The following KANK4 variants were observed in gnomAD, a reference collection of about 807,000 sequenced individuals.
The protein encoded by KANK4 is KN motif and ankyrin repeat domain-containing protein 4.
A neutral mutation model predicts 80.8 loss-of-function variants in KANK4; 50 were observed. The observed-to-expected ratio is 0.62, with a 90% CI of 0.49 to 0.78. KANK4 has a LOEUF of 0.78. KANK4 is among the 30% of genes least tolerant of loss of function. The pLI is 0.00. For missense variants in KANK4, 1,196 were observed against 1,240.1 expected (o/e 0.96, Z 0.53); for synonymous variants, 465 against 506.9 (o/e 0.92, Z 1.11).
At chr1:62,258,829 C>G (rs189291067) in intron 7 of KANK4, among the ~76,000 whole-genome samples, 1 of 152,200 alleles carries the variant, frequency 6.6e-6, no homozygotes, top group African/African-American at 2.4e-5. Flanking sequence ...ACAGAGGCAC[C>G]AGGAAGACTT....
chr1:62,273,870 C>A lies in KANK4; in HGVS notation c.1234G>T (p.Val412Leu), dbSNP rs150098757. Residue 412 changes from valine (V) to leucine (L), a missense_variant, in exon 3 of 10, where the codon GTG (valine) becomes TTG (leucine). Val to Leu is a conservative substitution (Grantham distance 32). Transcript: ENST00000371153. ...NAKDTQGQTD[V>L]MVNTDPVHGL... ...TGGACAGGGTCAGTGTTCACCATCA[C>A]GTCCGTCTGGCCCTGAGTGTCTTTG... The A allele has an allele frequency of 4.3e-6, 7 of 1,614,078 alleles. No individual in the cohort carries two copies. Among genetic ancestry groups the A allele is most frequent in the African/African-American group, 2.7e-5 (2 of 74,932 alleles).
chr1:62,248,542 T>C (rs894806837), intron 8 of KANK4, among the ~76,000 whole-genome samples: 1 of 87,074 alleles, frequency 1.1e-5, no homozygotes, highest in Admixed American at 1.3e-4. Flanking sequence ...CTGGTTAGTT[T>C]TTTTGTTTTT....
rs1672261717 is a variant in KANK4 at position 62,274,594 on chromosome 1, C to T, written c.510G>A (p.Leu170=). 1 of 1,613,934 alleles carries T rather than the reference C, an allele frequency of 6.2e-7. No individual in the cohort carries two copies. The highest frequency in any genetic ancestry group is 8.5e-7 in the Non-Finnish European group (1 of 1,179,976). The change falls in exon 3 of 10, where the codon CTG becomes CTA. Residue 170 remains leucine (L), a synonymous_variant. Transcript: ENST00000371153. ...LRASSMPATL[L]HSRASEEPGL... is the part of the protein sequence containing the mutation. ...CTGGCTCCTCAGAAGCCCTGCTGTG[C>T]AGCAGCGTGGCAGGCATGCTGGATG...
chr1:62,316,050 CAGCA>C (rs1644537580), intron 1 of KANK4, among the ~76,000 whole-genome samples: 2 of 152,232 alleles, frequency 1.3e-5, no homozygotes, highest in African/African-American at 4.8e-5. Context: ...GCTCTGGTAG[CAGCA>C]AGCAAGAACC....
At chr1:62,310,835 G>C (rs1644492279) in intron 1 of KANK4, among the ~76,000 whole-genome samples, 1 of 150,248 alleles carries the variant, frequency 6.7e-6, no homozygotes, top group South Asian at 2.1e-4. Context: ...TGAAGCACTA[G>C]AGGGAGAATA....
At chr1:62,246,715 A>C (rs541858938) in intron 9 of KANK4, among the ~76,000 whole-genome samples, 5 of 151,682 alleles carry the variant, frequency 3.3e-5, no homozygotes, top group Admixed American at 2.6e-4. Context: ...CTCCTGCCTC[A>C]GCCTGCTGAG....
chr1:62,291,374 T>C (rs1295556095), intron 1 of KANK4, among the ~76,000 whole-genome samples: 1 of 152,262 alleles, frequency 6.6e-6, no homozygotes, highest in Non-Finnish European at 1.5e-5. Flanking sequence ...TTCTTCTTGA[T>C]ATATTTTGCA....
intron 7 of KANK4, among the ~76,000 whole-genome samples, chr1:62,257,032 C>T (rs944510764): frequency 6.6e-6 from 1 of 152,154 alleles, no homozygotes; most frequent in Non-Finnish European, 1.5e-5. Context: ...AGGTCTGACA[C>T]CTGCTCAGGG....
At chr1:62,297,256 A>G (rs1015990543) in intron 1 of KANK4, among the ~76,000 whole-genome samples, 4 of 151,402 alleles carry the variant, frequency 2.6e-5, no homozygotes, top group African/African-American at 9.8e-5. Context: ...GTAAATAAAA[A>G]ATACTAGTAA....
rs372846311 is a variant in KANK4, at chr1:62,266,817, T to C, written c.2234A>G (p.Tyr745Cys). ...EEVPHSKAER[Y>C]KPSEEFLNAC... ...ATTAAGAAATTCTTCTGAGGGTTTA[T>C]ATCTAAATAAAACAAACATATATAC... Residue 745 changes from tyrosine to cysteine, a missense_variant and splice_region_variant, in exon 6 of 10, where the codon TAT becomes TGT. Coordinates refer to ENST00000371153, the MANE Select transcript of KANK4 (RefSeq NM_181712.5). The C allele has an allele frequency of 1.2e-5, 19 of 1,597,178 alleles. No individual in the cohort carries two copies. The highest frequency in any genetic ancestry group is 1.5e-5 in the Non-Finnish European group (17 of 1,165,498).
At position 62,274,882 on chromosome 1, in the gene KANK4, G is replaced by T; in HGVS notation, c.222C>A (p.Ser74Arg). 1.9e-6 allele frequency: 3 copies of T among 1,614,166 alleles called. No homozygotes were observed. The South Asian group carries it at 3.3e-5, about 18-fold the overall frequency. Residue 74 changes from serine to arginine, a missense_variant, in exon 3 of 10, where the codon AGC becomes AGA. By Grantham distance (110) the Ser-to-Arg change is moderately radical. Coordinates refer to ENST00000371153, the MANE Select transcript of KANK4 (RefSeq NM_181712.5). ...GGGGGCGAGCCCCACTGTCAGGAAGGCTGAAGTTTCGGGGCAGAGTGCTAA... is the reference window on the plus strand; with the variant it reads ...GGGGGCGAGCCCCACTGTCAGGAAGTCTGAAGTTTCGGGGCAGAGTGCTAA... ...AKFSTLPRNF[S>R]LPDSGARPPA...
intron 1 of KANK4, among the ~76,000 whole-genome samples, chr1:62,309,233 C>G (rs1557511307): frequency 6.6e-6 from 1 of 152,224 alleles, no homozygotes; most frequent in Non-Finnish European, 1.5e-5. Flanking sequence ...ACAGAGCTCT[C>G]TCTTCTAAGA....
intron 1 of KANK4, among the ~76,000 whole-genome samples, chr1:62,301,073 C>T (rs376740353): frequency 2.0e-5 from 3 of 152,146 alleles, no homozygotes; most frequent in East Asian, 1.9e-4. Flanking sequence ...GTTTCGGCTC[C>T]GTGACAGCTC....
Position 62,274,255 on chromosome 1 carries a change from C to G in KANK4, c.849G>C (p.Thr283=), listed in dbSNP as rs777890866. 1 of 1,613,974 alleles carries G rather than the reference C, an allele frequency of 6.2e-7. No individual in the cohort carries two copies. Among genetic ancestry groups the G allele is most frequent in the Non-Finnish European group, 8.5e-7 (1 of 1,179,934 alleles). ...GTGATGGCAGAGGTGGCGGGCTTGGCGTAGGGGAGCCAGGGGTGAACAACA... is the reference window on the plus strand; with the variant it reads ...GTGATGGCAGAGGTGGCGGGCTTGGGGTAGGGGAGCCAGGGGTGAACAACA... ...AEVLFTPGSP[T]PSPPPLPSPI... The change falls in exon 3 of 10, where the codon ACG becomes ACC. Residue 283 remains threonine (T), a synonymous_variant. Coordinates refer to ENST00000371153, the MANE Select transcript of KANK4 (RefSeq NM_181712.5).
chr1:62,287,876 C>T (rs749549805), intron 1 of KANK4, among the ~76,000 whole-genome samples: 7 of 152,092 alleles, frequency 4.6e-5, no homozygotes, highest in Admixed American at 1.3e-4. Context: ...TAGCTGAGTA[C>T]GCAGACCAAT....
At chr1:62,278,393 CTTTCTTT>C (rs1672371273) in intron 2 of KANK4, among the ~76,000 whole-genome samples, 1 of 18,582 alleles carries the variant, frequency 5.4e-5, no homozygotes, top group South Asian at 1.5e-3. Flanking sequence ...TTCTTTCTTT[CTTTCTTT>C]TTTTTTTTTG....
intron 7 of KANK4, among the ~76,000 whole-genome samples, chr1:62,258,650 A>G (rs1263831450): frequency 6.6e-6 from 1 of 152,212 alleles, no homozygotes; most frequent in Admixed American, 6.5e-5. Flanking sequence ...TTTTCACTCA[A>G]CACCTACTAG....
At position 62,236,827 on chromosome 1, in the gene KANK4, C is replaced by T. The variant is rs1023914058; in HGVS notation, c.*1450G>A. 6.6e-6 allele frequency among the ~76,000 whole-genome samples: 1 copy of T among 152,060 alleles called. No homozygotes were observed. The highest frequency in any genetic ancestry group is 1.9e-4 in the East Asian group (1 of 5,186). Reference sequence around the variant, plus strand: ...GTCAGGCTGGTCTCAAACTCCCGACCTCAGGTGATCCACCTGCCTCGGCCT... The same window carrying T: ...GTCAGGCTGGTCTCAAACTCCCGACTTCAGGTGATCCACCTGCCTCGGCCT... On this transcript the variant is annotated 3_prime_UTR_variant, in exon 10 of 10. Transcript: ENST00000371153.
intron 1 of KANK4, among the ~76,000 whole-genome samples, chr1:62,299,200 G>A (rs1644391581): frequency 6.6e-6 from 1 of 152,106 alleles, no homozygotes; most frequent in Admixed American, 6.5e-5. Context: ...TGGGGCCACA[G>A]GTGCATGCCA....
Sources: gnomAD v4.1 joint callset for allele counts (sites outside exome capture counted in the v4.1 genomes callset) on GRCh38, gnomAD v4.1.1 for gene constraint, MANE v1.5 for transcripts, NCBI Gene and HGNC (gene_info 2026-07-23, HGNC 2026-07-21) for gene names.